Variants in PDE6A observed in about 807,000 individuals in gnomAD.
PDE6A encodes the protein rod cGMP-specific 3',5'-cyclic phosphodiesterase subunit alpha.
In PDE6A, 84 loss-of-function variants were observed where a neutral mutation model predicts 106.3. The ratio of observed to expected loss-of-function variants is 0.79; its 90% confidence interval spans 0.66 to 0.95. PDE6A has a LOEUF of 0.95. Ranked by LOEUF, PDE6A falls within the 40% of genes least tolerant of loss-of-function variation. The pLI is 0.00. For missense variants in PDE6A, 1,052 were observed against 1,084.9 expected (o/e 0.97, Z 0.43); for synonymous variants, 394 against 386.6 (o/e 1.02, Z -0.23).
intron 13 of PDE6A, among the ~76,000 whole-genome samples, chr5:149,886,603 T>G (rs886612440): frequency 1.3e-5 from 2 of 152,190 alleles, no homozygotes; most frequent in Admixed American, 6.5e-5. Flanking sequence ...TGGGAACAAC[T>G]GGTCACCCTA....
chr5:149,932,730 G>C (rs1424354472), intron 3 of PDE6A: 2 of 1,422,436 alleles, frequency 1.4e-6, no homozygotes, highest in Non-Finnish European at 2.0e-6. Flanking sequence ...ACTACTGCTT[G>C]CTGTTTGGCA....
intron 17 of PDE6A, among the ~76,000 whole-genome samples, chr5:149,877,428 TAA>T (rs1208631347): frequency 4.6e-5 from 7 of 152,060 alleles, no homozygotes; most frequent in Non-Finnish European, 8.8e-5. Context: ...ACAAAAAATT[TAA>T]AAAGAGTCTC....
chr5:149,914,969 A>C lies in PDE6A; in HGVS notation c.972T>G (p.His324Gln). 6.2e-7 allele frequency: 1 copy of C among 1,610,530 alleles called. No individual in the cohort carries two copies. The highest frequency in any genetic ancestry group is 8.5e-7 in the Non-Finnish European group (1 of 1,177,260). ...GGATGACTTTGATGTCCTCTTTGCC[A>C]TGCAGGATGTAGTCAATGACCTTGT... ...NFYKVIDYIL[H>Q]GKEDIKVIPN... Residue 324 changes from histidine to glutamine, a missense_variant, in exon 6 of 22, where the codon CAT becomes CAG. This residue lies in a region of PDE6A where 913 missense variants were observed against 915.2 expected (regional missense o/e 1.00). Coordinates refer to ENST00000255266, the MANE Select transcript of PDE6A (RefSeq NM_000440.3).
At chr5:149,910,568 T>C (rs940331975) in intron 6 of PDE6A, among the ~76,000 whole-genome samples, 3 of 152,244 alleles carry the variant, frequency 2.0e-5, no homozygotes, top group African/African-American at 7.2e-5. Context: ...CAATGCTGAA[T>C]CATAGCATAA....
intron 10 of PDE6A, among the ~76,000 whole-genome samples, chr5:149,897,932 G>A (rs927888770): frequency 5.3e-5 from 8 of 152,166 alleles, no homozygotes; most frequent in African/African-American, 1.9e-4. Context: ...GGGAGGCTCT[G>A]AGAAACTGAT....
At chr5:149,927,267 G>A (rs1753890547) in intron 4 of PDE6A, among the ~76,000 whole-genome samples, 1 of 152,156 alleles carries the variant, frequency 6.6e-6, no homozygotes, top group Non-Finnish European at 1.5e-5. Flanking sequence ...CTGCGGGACT[G>A]AGAGTTGCTC....
chr5:149,935,988 C>T (rs768572876), intron 1 of PDE6A, among the ~76,000 whole-genome samples: 71 of 152,176 alleles, frequency 4.7e-4, no homozygotes, highest in Non-Finnish European at 6.5e-4. Context: ...CTTGTATCTA[C>T]TAAAACTCAA....
intron 4 of PDE6A, among the ~76,000 whole-genome samples, chr5:149,930,211 C>T (rs951763897): frequency 6.6e-6 from 1 of 152,184 alleles, no homozygotes; most frequent in African/African-American, 2.4e-5. Flanking sequence ...TGATGAACTG[C>T]CAAGTTTGGG....
At chr5:149,885,883 C>T (rs908296096) in intron 14 of PDE6A, among the ~76,000 whole-genome samples, 1 of 152,182 alleles carries the variant, frequency 6.6e-6, no homozygotes, top group African/African-American at 2.4e-5. Context: ...GTAGGCCATG[C>T]CTCCATCTTC....
chr5:149,907,464 G>C, intron 6 of PDE6A, 86 bp from the exon 7 acceptor site: 1 of 1,052,424 alleles, frequency 9.5e-7, no homozygotes, highest in Non-Finnish European at 1.5e-6. Context: ...CGCTCCCCCT[G>C]CTCTCAGGTG....
intron 4 of PDE6A, among the ~76,000 whole-genome samples, chr5:149,924,452 A>AT (rs557284769): frequency 0.11 from 15,973 of 149,150 alleles, 1,128 homozygotes; most frequent in East Asian, 0.2. Flanking sequence ...TAGAAATAGA[A>AT]ATATATATAT....
At chr5:149,895,641 A>T (rs531897495) in intron 12 of PDE6A, among the ~76,000 whole-genome samples, 1 of 152,156 alleles carries the variant, frequency 6.6e-6, no homozygotes, top group African/African-American at 2.4e-5. Flanking sequence ...AGGGAAAAAA[A>T]AAACAAAAAC....
intron 10 of PDE6A, among the ~76,000 whole-genome samples, chr5:149,897,648 G>T (rs150664937): frequency 6.6e-6 from 1 of 152,042 alleles, no homozygotes; most frequent in African/African-American, 2.4e-5. Flanking sequence ...TGGCAATCAC[G>T]GCTCACTGCA....
intron 1 of PDE6A, among the ~76,000 whole-genome samples, chr5:149,942,566 T>A (rs1754352533): frequency 6.6e-6 from 1 of 151,936 alleles, no homozygotes; most frequent in South Asian, 2.1e-4. Context: ...AGAGACAAAG[T>A]CTAGAGAAAG....
intron 1 of PDE6A, among the ~76,000 whole-genome samples, chr5:149,941,921 G>A (rs1362947444): frequency 6.6e-6 from 1 of 151,772 alleles, no homozygotes; most frequent in African/African-American, 2.4e-5. Context: ...CAGCCGATTG[G>A]ATGGTAGCTT....
At chr5:149,899,985 C>T (rs559655986) in intron 8 of PDE6A, among the ~76,000 whole-genome samples, 8 of 152,042 alleles carry the variant, frequency 5.3e-5, no homozygotes, top group Non-Finnish European at 1.0e-4. Context: ...CTCCTGGGGC[C>T]TCAATTTTCT....
intron 17 of PDE6A, among the ~76,000 whole-genome samples, chr5:149,874,392 T>C (rs10223111): frequency 0.11 from 17,115 of 152,136 alleles, 1,811 homozygotes; most frequent in African/African-American, 0.28. Context: ...GGGAAACACT[T>C]TACTTACATT....
rs909303056 is a variant in PDE6A at position 149,914,945 on chromosome 5, G to A, written c.996C>T (p.Ile332=). The change falls in exon 6 of 22, where the codon ATC becomes ATT. Residue 332 remains isoleucine (I), a splice_region_variant and synonymous_variant. Coordinates refer to ENST00000255266, the MANE Select transcript of PDE6A (RefSeq NM_000440.3). The part of the protein sequence containing the change: ...ILHGKEDIKV[I]PNPPPDHWAL... Reference sequence around the variant, plus strand: ...GTCTTTTGACAGGTGAAACTTACGGGATGACTTTGATGTCCTCTTTGCCAT... The same window carrying A: ...GTCTTTTGACAGGTGAAACTTACGGAATGACTTTGATGTCCTCTTTGCCAT... 3 of 1,604,132 alleles carry A rather than the reference G, an allele frequency of 1.9e-6. No homozygotes were observed. The African/African-American group carries it at 4.0e-5, about 21-fold the overall frequency.
chr5:149,904,879 A>G (rs892229873), intron 7 of PDE6A, among the ~76,000 whole-genome samples: 7 of 151,858 alleles, frequency 4.6e-5, no homozygotes, highest in Admixed American at 2.0e-4. Flanking sequence ...TGCATCCATC[A>G]TGGTCCCTAT....
Sources: gnomAD v4.1 joint callset for allele counts (sites outside exome capture counted in the v4.1 genomes callset) on GRCh38, gnomAD v4.1.1 for gene constraint, gnomAD v4.1.1 regional missense constraint, MANE v1.5 for transcripts, NCBI Gene and HGNC (gene_info 2026-07-23, HGNC 2026-07-21) for gene names.